The following ADSS2 variants were observed in gnomAD, a reference collection of about 807,000 sequenced individuals.
ADSS2 encodes adenylosuccinate synthetase isozyme 2.
ADSS2 carries 30 observed loss-of-function variants against 60.0 expected under a neutral mutation model. That is an observed-to-expected ratio of 0.50 (90% CI 0.37 to 0.68). The LOEUF is 0.68. Ranked by LOEUF, ADSS2 falls within the 30% of genes least tolerant of loss-of-function variation. The pLI is 0.00. For synonymous variants in ADSS2, 187 were observed against 193.1 expected (o/e 0.97, Z 0.26); for missense variants, 373 against 554.8 (o/e 0.67, Z 3.29).
rs376826569 is a variant in ADSS2, at chr1:244,432,637, T to G, written c.356-42A>C. The G allele has an allele frequency of 9.4e-6, 11 of 1,173,674 alleles. No homozygotes were observed. The African/African-American group carries it at 1.3e-4, about 14-fold the overall frequency. 72.7% of individuals were successfully genotyped at this position (1,173,674 alleles called of 1,614,324 possible). A position where few individuals can be genotyped will look rare whatever the true frequency, so the allele number is the denominator to read the frequency against. On this transcript the variant is annotated intron_variant, in intron 3 of 12. Transcript: ENST00000366535. ...GATATATTTAATTGAATATTTTGTA[T>G]AGCAGTTTTAAAATCTTAATTTCTT... is the stretch of plus-strand genomic sequence containing the variant.
chr1:244,409,739 T>C, intron 12 of ADSS2, 101 bp from the exon 13 acceptor site: 2 of 905,374 alleles, frequency 2.2e-6, no homozygotes, highest in South Asian at 1.5e-5. Flanking sequence ...AGTATCACCA[T>C]AACTTTTCCC....
intron 1 of ADSS2, among the ~76,000 whole-genome samples, chr1:244,444,623 C>A (rs1423351887): frequency 7.4e-5 from 11 of 148,086 alleles, no homozygotes; most frequent in African/African-American, 2.7e-4. Context: ...TAAACTGGAA[C>A]ATCATGATAG....
intron 3 of ADSS2, among the ~76,000 whole-genome samples, chr1:244,436,325 G>GA (rs909656983): frequency 1.3e-5 from 2 of 152,166 alleles, no homozygotes; most frequent in African/African-American, 2.4e-5. Context: ...GGAAAGGCAA[G>GA]AATCCAGGAC....
chr1:244,412,788 T>C (rs1664444552), intron 11 of ADSS2, among the ~76,000 whole-genome samples: 1 of 152,236 alleles, frequency 6.6e-6, no homozygotes, highest in African/African-American at 2.4e-5. Flanking sequence ...ATGGGACATC[T>C]GAGTTGACAT....
intron 1 of ADSS2, among the ~76,000 whole-genome samples, chr1:244,442,621 G>A (rs1469855184): frequency 6.6e-6 from 1 of 152,162 alleles, no homozygotes; most frequent in African/African-American, 2.4e-5. Context: ...CTGTGAGGCA[G>A]TTGGGGTATA....
chr1:244,412,318 C>A (rs1274869901), intron 11 of ADSS2, among the ~76,000 whole-genome samples: 1 of 152,194 alleles, frequency 6.6e-6, no homozygotes, highest in Non-Finnish European at 1.5e-5. Context: ...TGAGCTAACC[C>A]GCCTATGTGC....
intron 1 of ADSS2, among the ~76,000 whole-genome samples, chr1:244,447,589 AG>A (rs1665426483): frequency 6.6e-6 from 1 of 152,330 alleles, no homozygotes; most frequent in South Asian, 2.1e-4. Context: ...AAATATGTTG[AG>A]GAGATACATG....
chr1:244,445,002 G>A (rs1665350331), intron 1 of ADSS2, among the ~76,000 whole-genome samples: 1 of 152,118 alleles, frequency 6.6e-6, no homozygotes, highest in South Asian at 2.1e-4. Flanking sequence ...GATCCAGGCA[G>A]GGAAACATGT....
At chr1:244,430,076 A>G (rs1664902755) in intron 4 of ADSS2, among the ~76,000 whole-genome samples, 1 of 152,098 alleles carries the variant, frequency 6.6e-6, no homozygotes, top group Non-Finnish European at 1.5e-5. Context: ...CTCTGTCAGA[A>G]ATACTTTCCT....
At chr1:244,415,691 A>C (rs545772342) in intron 11 of ADSS2, among the ~76,000 whole-genome samples, 1 of 152,306 alleles carries the variant, frequency 6.6e-6, no homozygotes, top group East Asian at 1.9e-4. Flanking sequence ...AAACACCTCC[A>C]TGGAAATTGC....
chr1:244,444,392 G>C (rs1051653749), intron 1 of ADSS2, among the ~76,000 whole-genome samples: 3 of 147,978 alleles, frequency 2.0e-5, no homozygotes, highest in African/African-American at 7.5e-5. Context: ...GCGGGCGCCT[G>C]TAGTCCCAGC....
At chr1:244,421,476 G>A (rs1664673683) in intron 7 of ADSS2, among the ~76,000 whole-genome samples, 1 of 152,102 alleles carries the variant, frequency 6.6e-6, no homozygotes, top group African/African-American at 2.4e-5. Flanking sequence ...TTTTATGCCT[G>A]AAATGACCAC....
At chr1:244,418,944 G>C in intron 8 of ADSS2, 30 bp from the exon 9 acceptor site, 1 of 1,528,932 alleles carries the variant, frequency 6.5e-7, no homozygotes, top group Non-Finnish European at 8.9e-7. Flanking sequence ...TTAAAATATA[G>C]TAGACACATG....
At chr1:244,443,237 G>T (rs1285925543) in intron 1 of ADSS2, among the ~76,000 whole-genome samples, 10 of 152,092 alleles carry the variant, frequency 6.6e-5, no homozygotes, top group Admixed American at 6.5e-4. Context: ...ACCAAACTTG[G>T]TAAGTTATCT....
chr1:244,440,800 C>A (rs1419048702), intron 1 of ADSS2, among the ~76,000 whole-genome samples: 1 of 152,128 alleles, frequency 6.6e-6, no homozygotes, highest in Non-Finnish European at 1.5e-5. Context: ...ACTTCCATAA[C>A]CTTGCAAACA....
chr1:244,451,949 G>T, upstream of ADSS2: 1 of 966,160 alleles, frequency 1.0e-6, no homozygotes, highest in Non-Finnish European at 1.4e-6. This position sits in a 1 kb window ranked among gnomAD's most constrained non-coding sequence, Gnocchi z 6.6. Flanking sequence ...CCGCCCCGCC[G>T]GGCCGCCACC....
chr1:244,438,158 TA>T lies in ADSS2; in HGVS notation c.184-391del, dbSNP rs1448094561. Among the ~76,000 whole-genome samples, 8 of 152,184 alleles carry T rather than the reference TA, an allele frequency of 5.3e-5. No homozygotes were observed. In the East Asian group the frequency reaches 1.5e-3, roughly 29 times the overall value. On this transcript the variant is annotated intron_variant, in intron 1 of 12. Coordinates refer to ENST00000366535, the MANE Select transcript of ADSS2 (RefSeq NM_001126.5). ...ACACAAAAAATCTCTTAAGATAGAG[TA>T]ATCTATCCAGTTACCCTAACTTGAT...
chr1:244,419,991 TTG>T (rs1664639110), intron 8 of ADSS2, among the ~76,000 whole-genome samples, 177 bp downstream of exon 8: 1 of 152,218 alleles, frequency 6.6e-6, no homozygotes, highest in African/African-American at 2.4e-5. Flanking sequence ...AACACATGTA[TTG>T]TGTGTTCTGC....
Position 244,411,512 on chromosome 1 carries a change from C to G in ADSS2, c.1169-76G>C. ...ACAACTTTTTGATATATTGTAGGTTCAAAATGTCTTTTCAAAATCTTTGGA... is the reference window on the plus strand; with the variant it reads ...ACAACTTTTTGATATATTGTAGGTTGAAAATGTCTTTTCAAAATCTTTGGA... On this transcript the variant is annotated intron_variant, in intron 11 of 12. Transcript: ENST00000366535. 6.4e-6 allele frequency: 9 copies of G among 1,413,724 alleles called. No homozygotes were observed. In the African/African-American group the frequency reaches 7.3e-5, roughly 11 times the overall value. 87.6% of individuals were successfully genotyped at this position (1,413,724 alleles called of 1,614,324 possible).
Sources: gnomAD v4.1 joint callset for allele counts (sites outside exome capture counted in the v4.1 genomes callset) on GRCh38, gnomAD v4.1.1 for gene constraint, Gnocchi (gnomAD v3.1) non-coding constraint, MANE v1.5 for transcripts, NCBI Gene and HGNC (gene_info 2026-07-23, HGNC 2026-07-21) for gene names.